The following B4GALNT3 variants were observed in gnomAD, a reference collection of about 807,000 sequenced individuals.
B4GALNT3 encodes beta-1,4-N-acetyl-galactosaminyltransferase 3, also known as beta-1,4-N-acetylgalactosaminyltransferase 3.
Under a neutral mutation model 120.2 loss-of-function variants are expected in B4GALNT3, and 86 were observed. That is an observed-to-expected ratio of 0.72 (90% confidence interval 0.60 to 0.86). The LOEUF (loss-of-function observed/expected upper bound fraction) is 0.86. B4GALNT3 is among the 40% of genes least tolerant of loss of function. B4GALNT3 has a pLI of 0.00. For synonymous variants in B4GALNT3, 518 were observed against 510.4 expected (o/e 1.01, Z -0.20); for missense variants, 1,167 against 1,298.9 (o/e 0.90, Z 1.56).
intron 6 of B4GALNT3, among the ~76,000 whole-genome samples, chr12:546,228 A>G (rs552041588): frequency 3.7e-4 from 8 of 21,840 alleles, no homozygotes; most frequent in Non-Finnish European, 7.2e-4. Context: ...GTGTGGGAGG[A>G]GGGGAGTGGG....
At chr12:512,242 T>C (rs1946586814) in intron 1 of B4GALNT3, among the ~76,000 whole-genome samples, 1 of 44,782 alleles carries the variant, frequency 2.2e-5, no homozygotes, top group Non-Finnish European at 3.8e-5. Context: ...CCTTCCACCT[T>C]CCACCTTCTT....
At chr12:533,006 T>A (rs1946822115) in intron 1 of B4GALNT3, among the ~76,000 whole-genome samples, 1 of 152,210 alleles carries the variant, frequency 6.6e-6, no homozygotes, top group Non-Finnish European at 1.5e-5. Context: ...CCCCACAAGC[T>A]TCTCTTGAGT....
chr12:549,592 A>G (rs1388163100), intron 9 of B4GALNT3, among the ~76,000 whole-genome samples, 177 bp from the exon 10 acceptor site: 2 of 152,244 alleles, frequency 1.3e-5, no homozygotes, highest in Admixed American at 6.5e-5. Flanking sequence ...CCGAAGGCAG[A>G]TGAATCGTGA....
intron 1 of B4GALNT3, among the ~76,000 whole-genome samples, chr12:483,677 A>G (rs1177948165): frequency 1.3e-5 from 2 of 152,014 alleles, no homozygotes; most frequent in East Asian, 3.8e-4. Flanking sequence ...CAGCCTGGGC[A>G]ACATAGTGAG....
chr12:533,522 C>T (rs536767315), intron 1 of B4GALNT3, among the ~76,000 whole-genome samples: 57 of 152,316 alleles, frequency 3.7e-4, no homozygotes, highest in South Asian at 3.7e-3. Flanking sequence ...GAGGCCTCTG[C>T]GCCGGCACTC....
At chr12:488,321 C>G (rs190808974) in intron 1 of B4GALNT3, among the ~76,000 whole-genome samples, 50 of 152,150 alleles carry the variant, frequency 3.3e-4, no homozygotes, top group Non-Finnish European at 4.9e-4. Context: ...GAAAATGATA[C>G]GTCAGAAACT....
chr12:540,190 C>G (rs948083662), intron 3 of B4GALNT3, among the ~76,000 whole-genome samples: 1 of 152,222 alleles, frequency 6.6e-6, no homozygotes, highest in Non-Finnish European at 1.5e-5. Context: ...GCTGACGGTG[C>G]CTGCCTTCGT....
At chr12:510,417 TC>T (rs1327769947) in intron 1 of B4GALNT3, among the ~76,000 whole-genome samples, 1 of 139,470 alleles carries the variant, frequency 7.2e-6, no homozygotes, top group Non-Finnish European at 1.6e-5. Flanking sequence ...CCGATCCTCT[TC>T]CTACTGTGAC....
intron 1 of B4GALNT3, among the ~76,000 whole-genome samples, chr12:467,604 T>C (rs1320493246): frequency 6.6e-6 from 1 of 152,164 alleles, no homozygotes; most frequent in African/African-American, 2.4e-5. Context: ...TAATCCATGC[T>C]TATTATACTA....
chr12:523,654 AAATT>A lies in B4GALNT3; in HGVS notation c.170-11505_170-11502del, dbSNP rs1299386429. ...CACAGGCTTCCCTTTGACATTAAAC[AAATT>A]AATTAACTTTTCTGCAGGTCTCTAT... On this transcript the variant is annotated intron_variant, in intron 1 of 19. Coordinates refer to ENST00000266383, the MANE Select transcript of B4GALNT3 (RefSeq NM_173593.4). Among the ~76,000 whole-genome samples the A allele has an allele frequency of 2.0e-5, 3 of 152,242 alleles. No individual in the cohort carries two copies. The East Asian group carries it at 5.8e-4, about 29-fold the overall frequency.
chr12:518,546 G>T (rs35527562), intron 1 of B4GALNT3, among the ~76,000 whole-genome samples: 21,200 of 152,024 alleles, frequency 0.14, 1,644 homozygotes, highest in Non-Finnish European at 0.16. Context: ...AGGACCACAG[G>T]CGTGTGCCAC....
chr12:537,579 A>G (rs567332912), intron 3 of B4GALNT3, among the ~76,000 whole-genome samples: 2 of 152,298 alleles, frequency 1.3e-5, no homozygotes, highest in East Asian at 3.9e-4. Context: ...TCTTTTGGTG[A>G]AGAAACTGAG....
At chr12:477,967 G>T (rs1390835391) in intron 1 of B4GALNT3, among the ~76,000 whole-genome samples, 1 of 152,164 alleles carries the variant, frequency 6.6e-6, no homozygotes, top group African/African-American at 2.4e-5. Context: ...AGATTATAGA[G>T]GGGGCACAAT....
intron 1 of B4GALNT3, among the ~76,000 whole-genome samples, chr12:506,518 A>G (rs547553835): frequency 2.0e-5 from 3 of 152,348 alleles, no homozygotes; most frequent in Non-Finnish European, 4.4e-5. Flanking sequence ...GTGCTTTCAC[A>G]GAAGTAAGCA....
At chr12:461,147 CTTTG>C (rs764461513) in intron 1 of B4GALNT3, among the ~76,000 whole-genome samples, 1 of 152,242 alleles carries the variant, frequency 6.6e-6, no homozygotes, top group Non-Finnish European at 1.5e-5. Flanking sequence ...GTCCTCGGCT[CTTTG>C]AATCTCCCAC....
At chr12:527,964 G>C (rs1460339235) in intron 1 of B4GALNT3, among the ~76,000 whole-genome samples, 1 of 151,920 alleles carries the variant, frequency 6.6e-6, no homozygotes, top group Non-Finnish European at 1.5e-5. Flanking sequence ...GGGTGAGTAG[G>C]AGGTCATTGG....
At chr12:497,218 A>G (rs1946397909) in intron 1 of B4GALNT3, among the ~76,000 whole-genome samples, 1 of 152,084 alleles carries the variant, frequency 6.6e-6, no homozygotes, top group African/African-American at 2.4e-5. Context: ...CAATGCCGCG[A>G]TCTCGGCTCA....
At chr12:511,421 CCTTCCACCTT>C (rs1435051584) in intron 1 of B4GALNT3, among the ~76,000 whole-genome samples, 1 of 120,272 alleles carries the variant, frequency 8.3e-6, no homozygotes, top group Admixed American at 7.9e-5. Context: ...CCACCTTCCA[CCTTCCACCTT>C]CTTCCACCTT....
chr12:461,738 A>G (rs1206994282), intron 1 of B4GALNT3, among the ~76,000 whole-genome samples: 2 of 152,102 alleles, frequency 1.3e-5, no homozygotes, highest in African/African-American at 4.8e-5. Context: ...AAAGAGAGAG[A>G]ATTACTAGGG....
Sources: allele counts gnomAD v4.1 joint callset (sites outside exome capture counted in the v4.1 genomes callset), GRCh38; gene constraint gnomAD v4.1.1; transcripts MANE v1.5; gene names NCBI Gene and HGNC (gene_info 2026-07-23, HGNC 2026-07-21).